TTC1: variants seen among roughly 807,000 people sequenced by gnomAD.
The protein encoded by TTC1 is tetratricopeptide repeat protein 1.
In TTC1, 31 loss-of-function variants were observed where a neutral mutation model predicts 37.6. The observed-to-expected ratio is 0.82, with a 90% CI of 0.62 to 1.11. TTC1 has a LOEUF of 1.11. Among genes scored for constraint, TTC1 ranks in the 50% most tolerant of loss-of-function variants. The pLI is 0.00. For synonymous variants in TTC1, 127 were observed against 122.4 expected (o/e 1.04, Z -0.25); for missense variants, 351 against 339.0 (o/e 1.04, Z -0.28).
At chr5:160,024,595 C>T (rs749321566) in intron 2 of TTC1, among the ~76,000 whole-genome samples, 1 of 152,062 alleles carries the variant, frequency 6.6e-6, no homozygotes. Flanking sequence ...CTTACGGGCT[C>T]AAGTGATCCT....
rs200775911 is a variant in TTC1 at position 160,010,732 on chromosome 5, C to T, written c.204C>T (p.Ala68=). The change falls in exon 2 of 8, where the codon GCC becomes GCT. Residue 68 remains alanine (A), a synonymous_variant. Coordinates refer to ENST00000231238, the MANE Select transcript of TTC1 (RefSeq NM_003314.3). ...GEEECFHDCS[A]SFEEEPGADK... is the part of the protein sequence containing the mutation. ...AGGAGTGTTTTCATGACTGCAGTGC[C>T]TCATTTGAGGAGGAGCCAGGAGCGG... 8.1e-6 allele frequency: 13 copies of T among 1,613,950 alleles called. No individual in the cohort carries two copies. The highest frequency in any genetic ancestry group is 1.1e-5 in the Non-Finnish European group (13 of 1,179,942).
chr5:160,060,477 A>G (rs181398789), intron 7 of TTC1, among the ~76,000 whole-genome samples: 12 of 152,350 alleles, frequency 7.9e-5, no homozygotes, highest in Admixed American at 6.5e-4. Context: ...ACGAGATCCT[A>G]ATAGTTCAGG....
chr5:160,022,819 T>G, intron 2 of TTC1, among the ~76,000 whole-genome samples: 1 of 152,250 alleles, frequency 6.6e-6, no homozygotes, highest in South Asian at 2.1e-4. Flanking sequence ...TTGCTAATTT[T>G]ATTCAGAAAG....
chr5:160,022,006 C>A (rs1335540506), intron 2 of TTC1, among the ~76,000 whole-genome samples: 5 of 152,266 alleles, frequency 3.3e-5, no homozygotes, highest in African/African-American at 1.2e-4. Context: ...GCAATTACTT[C>A]ACAAAACTGC....
At chr5:160,010,975 C>T in intron 2 of TTC1, 117 bp downstream of exon 2, 2 of 990,232 alleles carry the variant, frequency 2.0e-6, no homozygotes, top group South Asian at 3.4e-5. Flanking sequence ...CCTTTGTCTT[C>T]TTATGGCTTT....
chr5:160,033,613 C>G (rs1051718374), intron 2 of TTC1, among the ~76,000 whole-genome samples: 3 of 152,130 alleles, frequency 2.0e-5, no homozygotes, highest in Non-Finnish European at 4.4e-5. Flanking sequence ...GCTATAGAGG[C>G]CTCAGGAAAC....
At chr5:160,052,355 G>C (rs578230353) in intron 7 of TTC1, among the ~76,000 whole-genome samples, 8 of 151,968 alleles carry the variant, frequency 5.3e-5, no homozygotes, top group African/African-American at 1.9e-4. Flanking sequence ...AATTAGTCAG[G>C]CATGGTGGCA....
chr5:160,018,382 T>A (rs922919206), intron 2 of TTC1, among the ~76,000 whole-genome samples: 19 of 152,294 alleles, frequency 1.2e-4, no homozygotes, highest in Admixed American at 9.8e-4. Context: ...CAGGAAAGCC[T>A]CTCTGGAGAG....
At chr5:160,045,519 C>CAT in intron 5 of TTC1, among the ~76,000 whole-genome samples, 3 of 112,162 alleles carry the variant, frequency 2.7e-5, no homozygotes, top group African/African-American at 3.8e-5. Context: ...CACACATACA[C>CAT]ACTCTCTCTC....
intron 4 of TTC1, among the ~76,000 whole-genome samples, chr5:160,038,592 C>T (rs558598861): frequency 1.2e-4 from 18 of 150,896 alleles, no homozygotes; most frequent in Non-Finnish European, 2.7e-4. Context: ...GAGCGTTGCT[C>T]TATGATTGTT....
intron 5 of TTC1, 92 bp from the exon 6 acceptor site, chr5:160,049,422 C>T: frequency 8.2e-7 from 1 of 1,222,730 alleles, no homozygotes; most frequent in South Asian, 1.9e-5. Context: ...CTTTCGTATC[C>T]TTGGAGGATG....
intron 7 of TTC1, among the ~76,000 whole-genome samples, chr5:160,054,185 A>G (rs1757480674): frequency 6.6e-6 from 1 of 152,200 alleles, no homozygotes; most frequent in South Asian, 2.1e-4. Context: ...TGTGTGGTTG[A>G]TAGTGTGATG....
chr5:160,010,502 T>G lies in TTC1; in HGVS notation c.-27T>G, dbSNP rs752850515. On this transcript the variant is annotated splice_region_variant and 5_prime_UTR_variant, in exon 2 of 8. Coordinates refer to ENST00000231238, the MANE Select transcript of TTC1 (RefSeq NM_003314.3). Reference sequence around the variant, plus strand: ...AGTTTTGTTTTGTTTTCCCCCAGCTTTAGCGTCACCTCCCTCACTGGGCAG... The same window carrying G: ...AGTTTTGTTTTGTTTTCCCCCAGCTGTAGCGTCACCTCCCTCACTGGGCAG... The G allele has an allele frequency of 4.8e-5, 76 of 1,595,262 alleles. No individual in the cohort carries two copies. The highest frequency in any genetic ancestry group is 6.4e-5 in the Non-Finnish European group (75 of 1,167,542).
At chr5:160,038,684 A>G (rs952596048) in intron 4 of TTC1, among the ~76,000 whole-genome samples, 12 of 124,980 alleles carry the variant, frequency 9.6e-5, no homozygotes, top group African/African-American at 3.7e-4. Context: ...TTTTTTTGAG[A>G]CGGAGTCTCA....
At chr5:160,041,988 G>A (rs1208381817) in intron 4 of TTC1, among the ~76,000 whole-genome samples, 1 of 152,098 alleles carries the variant, frequency 6.6e-6, no homozygotes, top group Admixed American at 6.6e-5. Context: ...TGAGTGCAGT[G>A]TCGTGAACTC....
chr5:160,045,520 A>ACACACTCT (rs1202139318), intron 5 of TTC1, among the ~76,000 whole-genome samples: 17 of 54,884 alleles, frequency 3.1e-4, no homozygotes, highest in South Asian at 7.7e-4. Flanking sequence ...ACACATACAC[A>ACACACTCT]CTCTCTCTCT....
intron 7 of TTC1, among the ~76,000 whole-genome samples, chr5:160,054,176 G>A (rs943630758): frequency 6.6e-6 from 1 of 152,158 alleles, no homozygotes; most frequent in Non-Finnish European, 1.5e-5. Context: ...TTAAGGGTAT[G>A]TGTGGTTGAT....
intron 2 of TTC1, among the ~76,000 whole-genome samples, chr5:160,013,248 T>C (rs1756531447): frequency 6.6e-6 from 1 of 152,188 alleles, no homozygotes; most frequent in African/African-American, 2.4e-5. Flanking sequence ...GCTATTTTGA[T>C]AAATATCTTT....
At chr5:160,052,138 G>A (rs1211038312) in intron 7 of TTC1, among the ~76,000 whole-genome samples, 2 of 152,178 alleles carry the variant, frequency 1.3e-5, no homozygotes, top group East Asian at 3.9e-4. Context: ...TTCCGATTCA[G>A]GATAGCTCTG....
Sources: allele counts gnomAD v4.1 joint callset (sites outside exome capture counted in the v4.1 genomes callset), GRCh38; gene constraint gnomAD v4.1.1; transcripts MANE v1.5; gene names NCBI Gene and HGNC (gene_info 2026-07-23, HGNC 2026-07-21).